Variants in TMEM117 observed in about 807,000 individuals in gnomAD.
TMEM117 encodes the protein transmembrane protein 117.
TMEM117 carries 27 observed loss-of-function variants against 52.4 expected under a neutral mutation model. The observed-to-expected ratio is 0.51, with a 90% CI of 0.38 to 0.71. The LOEUF (loss-of-function observed/expected upper bound fraction) is 0.71, where lower values mean the gene tolerates loss of function less well. Ranked by LOEUF, TMEM117 falls within the 30% of genes least tolerant of loss-of-function variation. TMEM117 has a pLI of 0.00. For missense variants in TMEM117, 556 were observed against 630.5 expected, an observed-to-expected ratio of 0.88 and a Z score of 1.26; for synonymous variants, 215 against 206.3, an observed-to-expected ratio of 1.04 and a Z score of -0.36.
At chr12:44,306,629 G>A (rs1472460658) in intron 6 of TMEM117, among the ~76,000 whole-genome samples, 1 of 152,182 alleles carries the variant, frequency 6.6e-6, no homozygotes, top group Non-Finnish European at 1.5e-5. Flanking sequence ...TTGAGGAGAG[G>A]AAGTGTTTTA....
rs148043784 is a variant in TMEM117, at chr12:44,276,939, A to T, written c.609-22641A>T. On this transcript the variant is annotated intron_variant, in intron 5 of 7. Coordinates refer to ENST00000266534, the MANE Select transcript of TMEM117 (RefSeq NM_032256.3). The stretch of plus-strand genomic sequence containing the variant: ...GTGTGTGTGTGTGTGTGTGTAATAG[A>T]TCCTGACTAGCAATCTTCTAAGGCT... Among the ~76,000 whole-genome samples, 25 of 145,170 alleles carry T rather than the reference A, an allele frequency of 1.7e-4. No homozygotes were observed. The East Asian group carries it at 4.9e-3, about 28-fold the overall frequency.
intron 4 of TMEM117, among the ~76,000 whole-genome samples, chr12:44,153,365 G>T (rs1238814604): frequency 1.3e-5 from 2 of 151,892 alleles, no homozygotes; most frequent in African/African-American, 4.8e-5. Flanking sequence ...TTTAATAGTA[G>T]ATCTTAATCC....
intron 6 of TMEM117, among the ~76,000 whole-genome samples, chr12:44,302,029 T>A (rs146521636): frequency 2.6e-5 from 4 of 152,190 alleles, no homozygotes; most frequent in African/African-American, 9.7e-5. Flanking sequence ...TAACACTAAG[T>A]CAGCTAGCCA....
the TMEM117 span, chr12:43,802,551 G>T: frequency 1.0e-6 from 1 of 967,730 alleles, no homozygotes; most frequent in Non-Finnish European, 1.6e-6. Context: ...TAAATATATA[G>T]TCATTTCCCA....
chr12:44,079,756 C>G (rs1189154393), intron 3 of TMEM117, among the ~76,000 whole-genome samples: 1 of 151,882 alleles, frequency 6.6e-6, no homozygotes, highest in Non-Finnish European at 1.5e-5. Flanking sequence ...GTGGCTCATG[C>G]CTGATATCCA....
intron 2 of TMEM117, among the ~76,000 whole-genome samples, chr12:43,846,128 G>A (rs528114201): frequency 1.3e-5 from 2 of 151,898 alleles, no homozygotes; most frequent in South Asian, 2.1e-4. Context: ...TTGGCTTTAG[G>A]ATGTTTATTT....
At chr12:44,379,013 G>T (rs1443269333) in intron 7 of TMEM117, among the ~76,000 whole-genome samples, 1 of 152,036 alleles carries the variant, frequency 6.6e-6, no homozygotes, top group Non-Finnish European at 1.5e-5. Flanking sequence ...GCTGAACGTG[G>T]TGGCTCACAC....
chr12:44,300,714 T>G (rs545795695), intron 6 of TMEM117, among the ~76,000 whole-genome samples: 40 of 152,358 alleles, frequency 2.6e-4, no homozygotes, highest in African/African-American at 9.1e-4. Context: ...ATTACTACTT[T>G]AATGGATAAT....
intron 5 of TMEM117, among the ~76,000 whole-genome samples, chr12:44,284,072 TG>T (rs1404986588): frequency 6.6e-6 from 1 of 152,168 alleles, no homozygotes; most frequent in Non-Finnish European, 1.5e-5. Flanking sequence ...CCCAGCACTT[TG>T]GGAGGCTGAC....
At chr12:44,143,676 C>G in intron 4 of TMEM117, 52 bp downstream of exon 4, 1 of 1,371,212 alleles carries the variant, frequency 7.3e-7, no homozygotes, top group Admixed American at 1.7e-5. Flanking sequence ...AAGACATGTT[C>G]ACAGTGTTGG....
chr12:43,956,546 A>G (rs1158705370), intron 3 of TMEM117, among the ~76,000 whole-genome samples: 1 of 150,982 alleles, frequency 6.6e-6, no homozygotes, highest in Non-Finnish European at 1.5e-5. Flanking sequence ...CAACAAACAC[A>G]TGAAAAAGAG....
Position 44,057,897 on chromosome 12 carries a change from T to C in TMEM117, c.411-85628T>C, listed in dbSNP as rs1408082064. Reference sequence around the variant, plus strand: ...TTCTGTATGAAATGGTGTTTATGTGTAAAGCACTGGTGATTATATCCAGTT... The same window carrying C: ...TTCTGTATGAAATGGTGTTTATGTGCAAAGCACTGGTGATTATATCCAGTT... On this transcript the variant is annotated intron_variant, in intron 3 of 7. Transcript: ENST00000266534. Among the ~76,000 whole-genome samples the C allele has an allele frequency of 2.0e-5, 3 of 152,212 alleles. No homozygotes were observed. In the East Asian group the frequency reaches 5.8e-4, roughly 29 times the overall value.
intron 3 of TMEM117, among the ~76,000 whole-genome samples, chr12:43,946,122 A>G (rs1240145384): frequency 6.6e-6 from 1 of 152,194 alleles, no homozygotes; most frequent in Non-Finnish European, 1.5e-5. Flanking sequence ...TCTGTTTTGA[A>G]GGCTGTAACC....
chr12:44,276,669 A>T (rs1179272448), intron 5 of TMEM117, among the ~76,000 whole-genome samples: 2 of 152,174 alleles, frequency 1.3e-5, no homozygotes, highest in South Asian at 2.1e-4. Flanking sequence ...CTGAGAGATA[A>T]TGCATATGTC....
At chr12:44,139,711 A>G (rs1328690454) in intron 3 of TMEM117, among the ~76,000 whole-genome samples, 1 of 152,188 alleles carries the variant, frequency 6.6e-6, no homozygotes, top group African/African-American at 2.4e-5. Flanking sequence ...TAAAATAATC[A>G]GCTAATGCAC....
At chr12:44,177,740 TAGG>T (rs925638309) in intron 4 of TMEM117, among the ~76,000 whole-genome samples, 6 of 152,188 alleles carry the variant, frequency 3.9e-5, no homozygotes, top group Non-Finnish European at 4.4e-5. Context: ...TTTCTCAGTT[TAGG>T]AGGAGAATTT....
chr12:44,311,257 T>G (rs1321550708), intron 6 of TMEM117, among the ~76,000 whole-genome samples: 1 of 152,168 alleles, frequency 6.6e-6, no homozygotes, highest in Non-Finnish European at 1.5e-5. Flanking sequence ...TGTTCAACCT[T>G]TGATTTCAGT....
chr12:44,105,166 A>G (rs1947931240), intron 3 of TMEM117, among the ~76,000 whole-genome samples: 1 of 151,194 alleles, frequency 6.6e-6, no homozygotes, highest in Non-Finnish European at 1.5e-5. Flanking sequence ...ATTTTTTTTC[A>G]GTCTTTTTTC....
At chr12:44,218,280 A>T (rs994726725) in intron 5 of TMEM117, among the ~76,000 whole-genome samples, 22 of 152,056 alleles carry the variant, frequency 1.4e-4, no homozygotes, top group Non-Finnish European at 3.1e-4. Context: ...TAAAAAGATC[A>T]TGCACCATGA....
Sources: gnomAD v4.1 joint callset for allele counts (sites outside exome capture counted in the v4.1 genomes callset) on GRCh38, gnomAD v4.1.1 for gene constraint, MANE v1.5 for transcripts, NCBI Gene and HGNC (gene_info 2026-07-23, HGNC 2026-07-21) for gene names.